The following RAB38 variants were observed in gnomAD, a reference collection of about 807,000 sequenced individuals.
The protein encoded by RAB38 is ras-related protein Rab-38.
Under a neutral mutation model 18.4 loss-of-function variants are expected in RAB38, and 15 were observed. The ratio of observed to expected loss-of-function variants is 0.82; its 90% CI spans 0.55 to 1.26. The LOEUF is 1.26. RAB38 is among the 50% of genes most tolerant of loss of function. The probability of loss-of-function intolerance (pLI) is 0.00; values close to 1 mark genes in which losing one functional copy is unlikely to be tolerated. For synonymous variants in RAB38, 101 were observed against 104.4 expected (o/e 0.97, Z 0.20); for missense variants, 294 against 267.4 (o/e 1.10, Z -0.69).
the RAB38 span, among the ~76,000 whole-genome samples, chr11:88,010,620 C>A: frequency 7.5e-3 from 1,139 of 152,182 alleles, 15 homozygotes; most frequent in African/African-American, 0.026. Context: ...ATGGAGTAAG[C>A]AAAGTTCCAT....
the RAB38 span, among the ~76,000 whole-genome samples, chr11:88,068,318 A>ATTTTCTTTCAAATTTGTTATT: frequency 1.6e-4 from 24 of 152,238 alleles, 1 homozygote; most frequent in South Asian, 4.8e-3. Context: ...GTTTTTTGTT[A>ATTTTCTTTCAAATTTGTTATT]ACCACTTTCA....
chr11:87,886,037 A>AT, the RAB38 span, among the ~76,000 whole-genome samples: 2 of 151,976 alleles, frequency 1.3e-5, no homozygotes, highest in East Asian at 3.9e-4. Context: ...CACTCCCATT[A>AT]TCTCAAGTAG....
At chr11:87,871,761 A>G in the RAB38 span, among the ~76,000 whole-genome samples, 1 of 151,566 alleles carries the variant, frequency 6.6e-6, no homozygotes, top group Non-Finnish European at 1.5e-5. Flanking sequence ...TGAAATTTAT[A>G]TAAGTAGAAG....
At chr11:87,831,871 G>T in the RAB38 span, among the ~76,000 whole-genome samples, 4 of 152,192 alleles carry the variant, frequency 2.6e-5, no homozygotes, top group African/African-American at 9.7e-5. Context: ...ATTCAGTGAG[G>T]CTCATTAGGA....
chr11:87,918,646 T>C, the RAB38 span, among the ~76,000 whole-genome samples: 1 of 152,124 alleles, frequency 6.6e-6, no homozygotes. Flanking sequence ...ATCATTTTTT[T>C]CCATATACTT....
the RAB38 span, among the ~76,000 whole-genome samples, chr11:87,856,805 A>T: frequency 6.6e-6 from 1 of 152,162 alleles, no homozygotes; most frequent in African/African-American, 2.4e-5. Flanking sequence ...ATGTCATGAA[A>T]CCTAGATCAT....
At chr11:87,903,645 CTTAA>C in the RAB38 span, among the ~76,000 whole-genome samples, 1 of 150,594 alleles carries the variant, frequency 6.6e-6, no homozygotes, top group Non-Finnish European at 1.5e-5. Flanking sequence ...TTATTTCTTT[CTTAA>C]TTGTTTGTTA....
At chr11:88,012,463 T>A in the RAB38 span, among the ~76,000 whole-genome samples, 1 of 152,138 alleles carries the variant, frequency 6.6e-6, no homozygotes, top group African/African-American at 2.4e-5. Flanking sequence ...TACTGGATTA[T>A]TTTTCCTAAT....
chr11:87,924,261 A>G, the RAB38 span, among the ~76,000 whole-genome samples: 3 of 152,036 alleles, frequency 2.0e-5, no homozygotes, highest in African/African-American at 7.2e-5. Context: ...GGAAGTCGGT[A>G]AGTAAGGCTG....
At chr11:88,052,412 A>G in the RAB38 span, among the ~76,000 whole-genome samples, 1 of 151,836 alleles carries the variant, frequency 6.6e-6, no homozygotes, top group Non-Finnish European at 1.5e-5. Context: ...CCTTCCAAAT[A>G]TTTTGGTATA....
the RAB38 span, among the ~76,000 whole-genome samples, chr11:87,962,726 GAAAT>G: frequency 6.6e-6 from 1 of 152,128 alleles, no homozygotes; most frequent in Admixed American, 6.5e-5. Context: ...TCAGACGGAG[GAAAT>G]AAATGTTTTG....
chr11:87,955,877 A>ATG, the RAB38 span, among the ~76,000 whole-genome samples: 1 of 71,030 alleles, frequency 1.4e-5, no homozygotes, highest in East Asian at 8.0e-4. Context: ...CAGTATGCAC[A>ATG]CACACACACA....
At chr11:87,941,731 T>TA in the RAB38 span, among the ~76,000 whole-genome samples, 1 of 152,164 alleles carries the variant, frequency 6.6e-6, no homozygotes, top group Non-Finnish European at 1.5e-5. Context: ...GTTCTCTTTT[T>TA]AAAAAATTAC....
chr11:87,938,619 G>GTTTTTTTTTTT, the RAB38 span, among the ~76,000 whole-genome samples: 2 of 99,856 alleles, frequency 2.0e-5, no homozygotes, highest in East Asian at 3.0e-4. Flanking sequence ...GCTCTTTTCC[G>GTTTTTTTTTTT]TTTTTTTTTT....
chr11:87,976,204 T>G, the RAB38 span, among the ~76,000 whole-genome samples: 4 of 147,180 alleles, frequency 2.7e-5, no homozygotes, highest in African/African-American at 9.9e-5. Context: ...ATATACTCTA[T>G]GTATATTTTT....
At chr11:87,887,128 C>T in the RAB38 span, among the ~76,000 whole-genome samples, 265 of 152,014 alleles carry the variant, frequency 1.7e-3, 1 homozygote, top group African/African-American at 5.9e-3. Flanking sequence ...AACCAAAAGC[C>T]GAGCAGGCTT....
chr11:87,920,783 T>A, the RAB38 span, among the ~76,000 whole-genome samples: 1 of 152,118 alleles, frequency 6.6e-6, no homozygotes, highest in Non-Finnish European at 1.5e-5. Context: ...TCCCTTCAGA[T>A]CTATTAATCA....
At chr11:87,824,035 G>A in the RAB38 span, among the ~76,000 whole-genome samples, 1 of 152,066 alleles carries the variant, frequency 6.6e-6, no homozygotes, top group Non-Finnish European at 1.5e-5. Flanking sequence ...AGTTTTTGTT[G>A]AAAGATGAGG....
chr11:88,067,594 A>G, the RAB38 span, among the ~76,000 whole-genome samples: 1 of 152,162 alleles, frequency 6.6e-6, no homozygotes. Context: ...ATTATCAGTG[A>G]TGTTATTTTT....
Sources: gnomAD v4.1 joint callset for allele counts (sites outside exome capture counted in the v4.1 genomes callset) on GRCh38, gnomAD v4.1.1 for gene constraint, MANE v1.5 for transcripts, NCBI Gene and HGNC (gene_info 2026-07-23, HGNC 2026-07-21) for gene names.